HMCN1: variants seen among roughly 807,000 people sequenced by gnomAD.
HMCN1 encodes the protein hemicentin-1.
HMCN1 carries 321 observed loss-of-function variants against 625.9 expected under a neutral mutation model. The ratio of observed to expected loss-of-function variants is 0.51; its 90% CI spans 0.47 to 0.56. HMCN1 has a LOEUF of 0.56. Ranked by LOEUF, HMCN1 falls within the 20% of genes least tolerant of loss-of-function variation. HMCN1 has a pLI of 0.00. For synonymous variants in HMCN1, 2,425 were observed against 2,417.6 expected (o/e 1.00, Z -0.09); for missense variants, 6,588 against 6,887.3 (o/e 0.96, Z 1.54).
intron 100 of HMCN1, among the ~76,000 whole-genome samples, chr1:186,169,479 T>C (rs1381479654): frequency 6.6e-6 from 1 of 152,192 alleles, no homozygotes; most frequent in Non-Finnish European, 1.5e-5. Flanking sequence ...ATGGTACTGG[T>C]ACCAGAATAG....
chr1:185,956,577 A>G (rs892554095), intron 11 of HMCN1, among the ~76,000 whole-genome samples: 2 of 152,200 alleles, frequency 1.3e-5, no homozygotes, highest in African/African-American at 4.8e-5. Context: ...GTGTTCAGCT[A>G]TTCTCTGCAT....
chr1:186,142,192 T>A (rs1434653053), intron 89 of HMCN1, among the ~76,000 whole-genome samples: 2 of 152,128 alleles, frequency 1.3e-5, no homozygotes, highest in Non-Finnish European at 2.9e-5. Context: ...TGTTTGTTGT[T>A]CCCCTCTTTC....
rs1438540320 is a variant in HMCN1, at chr1:186,136,711, T to C, written c.13356T>C (p.Asn4452=). Residue 4452 remains asparagine, a synonymous_variant, in exon 87 of 107, where the codon AAT becomes AAC. Transcript: ENST00000271588. ...ITLEPVETVI[N]AGGKIILNCQ... ...TTGAGCCAGTGGAAACTGTTATTAA[T>C]GCTGGTGGCAAAATCATATTGAATT... is the stretch of plus-strand genomic sequence containing the variant. 2.5e-6 allele frequency: 4 copies of C among 1,614,072 alleles called. No individual in the cohort carries two copies. The South Asian group carries it at 4.4e-5, about 18-fold the overall frequency.
In HMCN1 at chr1:185,982,305, T is replaced by G. The variant is rs770261923; in HGVS notation, c.2706T>G (p.Ile902Met). 1 of 1,613,648 alleles carries G rather than the reference T, an allele frequency of 6.2e-7. No homozygotes were observed. The highest frequency in any genetic ancestry group is 8.5e-7 in the Non-Finnish European group (1 of 1,179,556). The change falls in exon 18 of 107, where the codon ATT (isoleucine) becomes ATG (methionine). Residue 902 changes from isoleucine to methionine, a missense_variant. This residue lies in a region of HMCN1 where 4,628 missense variants were observed against 4,853.1 expected (regional missense o/e 0.95). Coordinates refer to ENST00000271588, the MANE Select transcript of HMCN1 (RefSeq NM_031935.3). Reference protein sequence around the residue: ...IGISPSVANVIEGQQLTLPCT... With the variant: ...IGISPSVANVMEGQQLTLPCT... ...TCAGCCCTTCAGTGGCCAATGTTAT[T>G]GAAGGACAGCAGCTTACTTTGCCCT... is the stretch of plus-strand genomic sequence containing the variant.
intron 105 of HMCN1, among the ~76,000 whole-genome samples, chr1:186,182,917 CAA>C (rs1190596815): frequency 6.6e-6 from 1 of 151,992 alleles, no homozygotes; most frequent in Non-Finnish European, 1.5e-5. Context: ...ATAGCAATGA[CAA>C]AGAATAAAAC....
chr1:186,060,568 G>A lies in HMCN1; in HGVS notation c.7313-1283G>A, dbSNP rs114825744. 6.3e-3 allele frequency among the ~76,000 whole-genome samples: 951 copies of A among 152,006 alleles called. 12 individuals are homozygous for A. The highest frequency in any genetic ancestry group is 0.021 in the African/African-American group (882 of 41,478). Reference sequence around the variant, plus strand: ...CACTTTCAGTCTACATACATTTCTTGGATGAATATTTCTTCAAACAAAATG... The same window carrying A: ...CACTTTCAGTCTACATACATTTCTTAGATGAATATTTCTTCAAACAAAATG... On this transcript the variant is annotated intron_variant, in intron 46 of 106. Coordinates refer to ENST00000271588, the MANE Select transcript of HMCN1 (RefSeq NM_031935.3).
At chr1:185,804,760 TTA>T (rs2102232293) in intron 1 of HMCN1, among the ~76,000 whole-genome samples, 1 of 152,244 alleles carries the variant, frequency 6.6e-6, no homozygotes, top group Admixed American at 6.5e-5. Flanking sequence ...AAATTCTTAT[TTA>T]TGTCTTAATT....
chr1:185,967,494 A>T (rs1650493679), intron 14 of HMCN1, among the ~76,000 whole-genome samples: 1 of 152,134 alleles, frequency 6.6e-6, no homozygotes. Context: ...GGCATTTGAT[A>T]CATTGTAAGA....
chr1:185,916,228 T>C (rs189714166), intron 6 of HMCN1, among the ~76,000 whole-genome samples: 1 of 152,318 alleles, frequency 6.6e-6, no homozygotes, highest in Admixed American at 6.5e-5. Context: ...AGTAGGTTCT[T>C]AATAAATATT....
chr1:186,169,890 A>G (rs924947890), intron 100 of HMCN1, among the ~76,000 whole-genome samples: 1 of 152,146 alleles, frequency 6.6e-6, no homozygotes, highest in Non-Finnish European at 1.5e-5. Flanking sequence ...GTGAACAGGC[A>G]ACCTACAAAA....
chr1:186,174,670 T>A, intron 103 of HMCN1, 28 bp downstream of exon 103: 1 of 1,612,818 alleles, frequency 6.2e-7, no homozygotes, highest in Non-Finnish European at 8.5e-7. Context: ...TGTTGAGCAA[T>A]AAAGCTACTG....
At chr1:186,083,500 TAAAAAA>T (rs58407499) in intron 57 of HMCN1, among the ~76,000 whole-genome samples, 8 of 123,666 alleles carry the variant, frequency 6.5e-5, no homozygotes, top group African/African-American at 2.5e-4. Flanking sequence ...CACTTTTTGC[TAAAAAA>T]AAAAAAAAAA....
intron 4 of HMCN1, among the ~76,000 whole-genome samples, chr1:185,874,669 C>A (rs780399818): frequency 6.6e-6 from 1 of 151,584 alleles, no homozygotes; most frequent in East Asian, 1.9e-4. Context: ...AAGTCATATA[C>A]CACATAATTT....
intron 71 of HMCN1, 142 bp downstream of exon 71, chr1:186,108,739 T>C: frequency 9.8e-7 from 1 of 1,017,254 alleles, no homozygotes; most frequent in African/African-American, 1.6e-5. Context: ...AGCACAGGGT[T>C]TTTAAATTAG....
At chr1:185,995,200 A>T (rs551542046) in intron 24 of HMCN1, 113 bp downstream of exon 24, 4 of 1,002,650 alleles carry the variant, frequency 4.0e-6, no homozygotes, top group Admixed American at 1.9e-5. Context: ...AGAGTTCTAT[A>T]TAACTTTTGT....
chr1:186,171,252 G>A (rs753957859), intron 100 of HMCN1, 85 bp from the exon 101 acceptor site: 74 of 978,538 alleles, frequency 7.6e-5, no homozygotes, highest in Middle Eastern at 2.1e-4. Flanking sequence ...ACATGGTAAT[G>A]ATCAAGATCA....
chr1:186,150,294 G>A (rs1384155648), intron 93 of HMCN1, among the ~76,000 whole-genome samples: 1 of 152,162 alleles, frequency 6.6e-6, no homozygotes, highest in Non-Finnish European at 1.5e-5. Flanking sequence ...CTACTTCCCA[G>A]TATGTTGCCT....
At chr1:186,094,607 A>G (rs1200651763) in intron 67 of HMCN1, among the ~76,000 whole-genome samples, 1 of 152,154 alleles carries the variant, frequency 6.6e-6, no homozygotes, top group African/African-American at 2.4e-5. Flanking sequence ...AATCAAATCT[A>G]ATTTTTAAAA....
At chr1:185,760,179 T>C (rs1655400249) in intron 1 of HMCN1, among the ~76,000 whole-genome samples, 1 of 152,048 alleles carries the variant, frequency 6.6e-6, no homozygotes, top group Non-Finnish European at 1.5e-5. Context: ...GGAGTTAGGG[T>C]GCAAAGTTGT....
Sources: allele counts gnomAD v4.1 joint callset (sites outside exome capture counted in the v4.1 genomes callset), GRCh38; gene constraint gnomAD v4.1.1; regional missense constraint gnomAD v4.1.1; transcripts MANE v1.5; gene names NCBI Gene and HGNC (gene_info 2026-07-23, HGNC 2026-07-21).